The following PIGK variants were observed in gnomAD, a reference collection of about 807,000 sequenced individuals.
PIGK encodes phosphatidylinositol glycan anchor biosynthesis class K.
Under a neutral mutation model 50.6 loss-of-function variants are expected in PIGK, and 42 were observed. That is an observed-to-expected ratio of 0.83 (90% CI 0.65 to 1.07). PIGK has a LOEUF of 1.07. Ranked by LOEUF, PIGK falls within the 50% of genes least tolerant of loss-of-function variation. The pLI is 0.00. For synonymous variants in PIGK, 151 were observed against 156.0 expected (o/e 0.97, Z 0.24); for missense variants, 448 against 488.7 (o/e 0.92, Z 0.78).
At chr1:77,116,974 T>G (rs1326953684) in intron 10 of PIGK, among the ~76,000 whole-genome samples, 1 of 152,230 alleles carries the variant, frequency 6.6e-6, no homozygotes, top group Non-Finnish European at 1.5e-5. Context: ...AATTTTCTGT[T>G]GCTCTAACTA....
intron 8 of PIGK, among the ~76,000 whole-genome samples, chr1:77,156,545 A>G (rs1655012478): frequency 6.6e-6 from 1 of 152,168 alleles, no homozygotes; most frequent in African/African-American, 2.4e-5. Flanking sequence ...GTATCTGCAC[A>G]TATTCTATTT....
At position 77,173,613 on chromosome 1, in the gene PIGK, T is replaced by G. The variant is rs6664974; in HGVS notation, c.240-4218A>C. Among the ~76,000 whole-genome samples, 253 of 152,318 alleles carry G rather than the reference T, an allele frequency of 1.7e-3. 2 individuals carry two copies. The highest frequency in any genetic ancestry group is 5.9e-3 in the African/African-American group (244 of 41,568). On this transcript the variant is annotated intron_variant, in intron 3 of 10. Transcript: ENST00000370812. ...TTAAATGAATGGTAAAAATCACTGTTTAGTTCCTCTGTAAAGTTTTAATTA... is the reference window on the plus strand; with the variant it reads ...TTAAATGAATGGTAAAAATCACTGTGTAGTTCCTCTGTAAAGTTTTAATTA...
intron 10 of PIGK, among the ~76,000 whole-genome samples, chr1:77,113,063 G>C (rs547993923): frequency 5.5e-4 from 83 of 151,992 alleles, no homozygotes; most frequent in African/African-American, 1.8e-3. Context: ...GAATTTTAAA[G>C]GATCAAAACT....
chr1:77,179,582 G>A (rs2100567949), intron 3 of PIGK, among the ~76,000 whole-genome samples: 1 of 152,188 alleles, frequency 6.6e-6, no homozygotes, highest in East Asian at 1.9e-4. Flanking sequence ...TCCAATTTCT[G>A]TACTTCCTTT....
chr1:77,199,139 A>C (rs1393832122), intron 3 of PIGK, among the ~76,000 whole-genome samples: 2 of 152,058 alleles, frequency 1.3e-5, no homozygotes, highest in Non-Finnish European at 2.9e-5. Context: ...ATATGATCTA[A>C]ACATAAGAGC....
chr1:77,097,894 A>T (rs1421984887), intron 10 of PIGK, among the ~76,000 whole-genome samples: 2 of 152,172 alleles, frequency 1.3e-5, no homozygotes, highest in African/African-American at 2.4e-5. Context: ...AAAAACTATG[A>T]ATACCCATAA....
chr1:77,175,357 C>T (rs1655458746), intron 3 of PIGK, among the ~76,000 whole-genome samples: 2 of 152,038 alleles, frequency 1.3e-5, no homozygotes, highest in South Asian at 4.1e-4. Context: ...AGTAAAATAA[C>T]TGGTTGGTTA....
intron 2 of PIGK, 115 bp downstream of exon 2, chr1:77,210,321 A>G: frequency 1.8e-6 from 1 of 545,084 alleles, no homozygotes; most frequent in East Asian, 3.2e-5. Context: ...AAAATAAAGA[A>G]TTTCTGATAT....
intron 3 of PIGK, among the ~76,000 whole-genome samples, chr1:77,188,302 T>C (rs1339219570): frequency 1.3e-5 from 2 of 152,166 alleles, no homozygotes; most frequent in East Asian, 1.9e-4. Context: ...AGAGAATATG[T>C]GCCTGGAGGT....
At chr1:77,158,093 T>G (rs1470752814) in intron 8 of PIGK, among the ~76,000 whole-genome samples, 1 of 152,210 alleles carries the variant, frequency 6.6e-6, no homozygotes, top group African/African-American at 2.4e-5. Flanking sequence ...CTCAGCTCAC[T>G]GCAACCTCTG....
At chr1:77,175,491 T>G (rs1414767722) in intron 3 of PIGK, among the ~76,000 whole-genome samples, 1 of 152,202 alleles carries the variant, frequency 6.6e-6, no homozygotes, top group East Asian at 1.9e-4. Flanking sequence ...AGAGTTACTA[T>G]TATAACATGT....
Position 77,102,842 on chromosome 1 carries a change from T to G in PIGK, c.1072-10352A>C, listed in dbSNP as rs146488167. On this transcript the variant is annotated intron_variant, in intron 10 of 10. Transcript: ENST00000370812. Reference sequence around the variant, plus strand: ...AGAGCTCTTTCTCATACAAAGAAGCTTTTTTTGTTTGTTTTATACCATCCT... The same window carrying G: ...AGAGCTCTTTCTCATACAAAGAAGCGTTTTTTGTTTGTTTTATACCATCCT... Among the ~76,000 whole-genome samples, 389 of 152,304 alleles carry G rather than the reference T, an allele frequency of 2.6e-3. 2 individuals carry two copies. Among genetic ancestry groups the G allele is most frequent in the African/African-American group, 8.3e-3 (345 of 41,576 alleles).
chr1:77,200,529 G>A (rs1429478426), intron 3 of PIGK, among the ~76,000 whole-genome samples: 2 of 152,032 alleles, frequency 1.3e-5, no homozygotes, highest in Non-Finnish European at 2.9e-5. Context: ...AGAATAAAAT[G>A]AGACAATGTA....
At chr1:77,149,134 A>G (rs1654838063) in intron 9 of PIGK, among the ~76,000 whole-genome samples, 1 of 152,206 alleles carries the variant, frequency 6.6e-6, no homozygotes, top group Non-Finnish European at 1.5e-5. Context: ...AAAACATACT[A>G]CCAGGGAAAA....
chr1:77,149,123 T>TAA (rs1399223947), intron 9 of PIGK, among the ~76,000 whole-genome samples: 1 of 151,966 alleles, frequency 6.6e-6, no homozygotes, highest in Admixed American at 6.6e-5. Flanking sequence ...AGCAATGAAT[T>TAA]AAAACATACT....
At chr1:77,158,294 G>C (rs1051216218) in intron 8 of PIGK, among the ~76,000 whole-genome samples, 2 of 152,004 alleles carry the variant, frequency 1.3e-5, no homozygotes, top group African/African-American at 4.8e-5. Flanking sequence ...TGGGATTACA[G>C]GCATGAGCCA....
intron 9 of PIGK, among the ~76,000 whole-genome samples, chr1:77,124,631 A>C (rs976353278): frequency 1.4e-5 from 2 of 138,848 alleles, no homozygotes; most frequent in African/African-American, 2.5e-5. Context: ...AAAAAAAAAA[A>C]CACACACACG....
intron 10 of PIGK, among the ~76,000 whole-genome samples, chr1:77,101,219 TAA>T (rs1653533129): frequency 6.6e-6 from 1 of 152,206 alleles, no homozygotes; most frequent in Non-Finnish European, 1.5e-5. Flanking sequence ...GAATAACACT[TAA>T]AGTTATGACA....
chr1:77,192,019 C>T (rs1655918265), intron 3 of PIGK, among the ~76,000 whole-genome samples: 1 of 152,092 alleles, frequency 6.6e-6, no homozygotes, highest in Non-Finnish European at 1.5e-5. Flanking sequence ...ACTTTTGTCC[C>T]AGCTACTCAG....
Sources: gnomAD v4.1 joint callset for allele counts (sites outside exome capture counted in the v4.1 genomes callset) on GRCh38, gnomAD v4.1.1 for gene constraint, MANE v1.5 for transcripts, NCBI Gene and HGNC (gene_info 2026-07-23, HGNC 2026-07-21) for gene names.